Variants in MEMO1 observed in about 807,000 individuals in gnomAD.
The protein encoded by MEMO1 is mediator of cell motility 1, also known as protein MEMO1.
Under a neutral mutation model 45.2 loss-of-function variants are expected in MEMO1, and 6 were observed. That is an observed-to-expected ratio of 0.13 (90% CI 0.07 to 0.26). The LOEUF is 0.26. Among genes scored for constraint, MEMO1 ranks in the 10% least tolerant of loss-of-function variants. The pLI, the probability that MEMO1 is intolerant of heterozygous loss-of-function variation, is 1.00. For missense variants in MEMO1, 184 were observed against 370.5 expected, an observed-to-expected ratio of 0.50 and a Z score of 4.13; for synonymous variants, 78 against 124.3, an observed-to-expected ratio of 0.63 and a Z score of 2.48.
rs1011647196 is a variant in MEMO1, at chr2:31,898,131, GTCTA to G, written c.438-6001_438-5998del. Among the ~76,000 whole-genome samples the G allele has an allele frequency of 4.6e-5, 7 of 151,818 alleles. No individual in the cohort carries two copies. In the East Asian group the frequency reaches 5.8e-4, roughly 13 times the overall value. ...TTCTTCTTTATTAGTCTGGCTAGTG[GTCTA>G]TCTGTTTCGTTAATCTTTTGAAAAA... On this transcript the variant is annotated intron_variant, in intron 6 of 9. Transcript: ENST00000404530.
At chr2:32,005,202 C>G (rs1488278264) in intron 2 of MEMO1, among the ~76,000 whole-genome samples, 2 of 151,700 alleles carry the variant, frequency 1.3e-5, no homozygotes, top group Non-Finnish European at 2.9e-5. Flanking sequence ...CACCTATAAT[C>G]CCAACACTTA....
intron 3 of MEMO1, among the ~76,000 whole-genome samples, chr2:31,936,550 A>T (rs1664946332): frequency 6.6e-6 from 1 of 152,196 alleles, no homozygotes; most frequent in Non-Finnish European, 1.5e-5. Context: ...GTGGAACTGC[A>T]ATCAAGTGAG....
intron 6 of MEMO1, among the ~76,000 whole-genome samples, chr2:31,898,798 T>C (rs1558486413): frequency 6.6e-6 from 1 of 152,194 alleles, no homozygotes; most frequent in Non-Finnish European, 1.5e-5. Flanking sequence ...ATCTGTCTAA[T>C]ATTGATAATG....
At position 31,956,401 on chromosome 2, in the gene MEMO1, T is replaced by C. The variant is rs72860952; in HGVS notation, c.62-13018A>G. ...AAAGTTAGAATTTTTATTTTTCATA[T>C]ATTTCTACCACAAAACAGATTTGTA... On this transcript the variant is annotated intron_variant, in intron 2 of 9. Coordinates refer to ENST00000404530, the MANE Select transcript of MEMO1 (RefSeq NM_001301833.4). Among the ~76,000 whole-genome samples, 437 of 152,228 alleles carry C rather than the reference T, an allele frequency of 2.9e-3. 4 individuals are homozygous for C. The highest frequency in any genetic ancestry group is 9.9e-3 in the African/African-American group (413 of 41,526).
chr2:31,929,283 T>C (rs1399369895), intron 4 of MEMO1, among the ~76,000 whole-genome samples: 1 of 152,212 alleles, frequency 6.6e-6, no homozygotes, highest in Non-Finnish European at 1.5e-5. Context: ...CTAAGTACTA[T>C]GATTTTTATT....
intron 2 of MEMO1, among the ~76,000 whole-genome samples, chr2:31,994,447 T>C (rs577713116): frequency 6.7e-6 from 1 of 150,202 alleles, no homozygotes; most frequent in East Asian, 2.0e-4. Flanking sequence ...CTGGCCAACA[T>C]GGTGAAACCC....
intron 2 of MEMO1, among the ~76,000 whole-genome samples, chr2:31,973,805 G>A (rs1459616328): frequency 6.6e-6 from 1 of 152,142 alleles, no homozygotes; most frequent in Non-Finnish European, 1.5e-5. Flanking sequence ...TGGTTTATGG[G>A]GGATAAGAGG....
At chr2:31,926,835 A>G (rs1456823266) in intron 4 of MEMO1, among the ~76,000 whole-genome samples, 4 of 151,670 alleles carry the variant, frequency 2.6e-5, no homozygotes, top group Non-Finnish European at 5.9e-5. Context: ...GACAAGCACG[A>G]AACTCTGCCT....
intron 2 of MEMO1, among the ~76,000 whole-genome samples, chr2:31,998,192 A>AT (rs1205173088): frequency 2.0e-5 from 3 of 152,126 alleles, no homozygotes; most frequent in African/African-American, 4.8e-5. Context: ...AATTTTTGTT[A>AT]TTTTTTGTAG....
chr2:31,951,253 T>G (rs964397257), intron 2 of MEMO1, among the ~76,000 whole-genome samples: 2 of 152,212 alleles, frequency 1.3e-5, no homozygotes, highest in Non-Finnish European at 2.9e-5. Flanking sequence ...ACAACTATTT[T>G]CCAAATGATA....
chr2:31,957,828 T>C (rs555112640), intron 2 of MEMO1, among the ~76,000 whole-genome samples: 23 of 152,382 alleles, frequency 1.5e-4, no homozygotes, highest in African/African-American at 5.3e-4. Flanking sequence ...ATAAGTTAAA[T>C]TGCCTTCTGA....
chr2:32,001,800 A>G (rs1004794972), intron 2 of MEMO1, among the ~76,000 whole-genome samples: 1 of 152,166 alleles, frequency 6.6e-6, no homozygotes, highest in African/African-American at 2.4e-5. Context: ...GGGTAGAAAT[A>G]AAGACTTGCC....
chr2:31,992,077 A>G (rs1379702665), intron 2 of MEMO1, among the ~76,000 whole-genome samples: 1 of 152,158 alleles, frequency 6.6e-6, no homozygotes, highest in Non-Finnish European at 1.5e-5. Context: ...AGCTTAACAA[A>G]AATTCTTAAA....
At chr2:31,920,178 A>C (rs900800810) in intron 5 of MEMO1, among the ~76,000 whole-genome samples, 4 of 151,946 alleles carry the variant, frequency 2.6e-5, no homozygotes, top group Non-Finnish European at 5.9e-5. Flanking sequence ...CCCCCAAAAG[A>C]AAAAATACCT....
At chr2:31,970,523 C>T (rs892386811) in intron 2 of MEMO1, among the ~76,000 whole-genome samples, 12 of 152,028 alleles carry the variant, frequency 7.9e-5, no homozygotes, top group Admixed American at 3.3e-4. Flanking sequence ...GTTATACAAC[C>T]TGGCTTCCTG....
intron 2 of MEMO1, among the ~76,000 whole-genome samples, chr2:31,999,573 G>T (rs1673019571): frequency 6.6e-6 from 1 of 152,152 alleles, no homozygotes; most frequent in African/African-American, 2.4e-5. Flanking sequence ...AGGAGATTGA[G>T]GTGGCAAGAT....
At chr2:32,008,000 G>A (rs1217037556) in intron 2 of MEMO1, among the ~76,000 whole-genome samples, 1 of 152,136 alleles carries the variant, frequency 6.6e-6, no homozygotes, top group Non-Finnish European at 1.5e-5. Context: ...CTGTGACAAT[G>A]CACATTACCA....
At chr2:31,878,128 A>G (rs1038698270) in intron 8 of MEMO1, among the ~76,000 whole-genome samples, 2 of 152,224 alleles carry the variant, frequency 1.3e-5, no homozygotes, top group African/African-American at 4.8e-5. Context: ...TGAGAAGGTG[A>G]GAGCTAAGCA....
intron 3 of MEMO1, among the ~76,000 whole-genome samples, chr2:31,938,786 ATTTT>A (rs398042391): frequency 7.2e-6 from 1 of 138,784 alleles, no homozygotes. Context: ...ATAGAACAAT[ATTTT>A]TTTTTTTTTT....
Sources: gnomAD v4.1 joint callset for allele counts (sites outside exome capture counted in the v4.1 genomes callset) on GRCh38, gnomAD v4.1.1 for gene constraint, MANE v1.5 for transcripts, NCBI Gene and HGNC (gene_info 2026-07-23, HGNC 2026-07-21) for gene names.